PTPRU: variants seen among roughly 807,000 people sequenced by gnomAD.
PTPRU encodes the protein protein tyrosine phosphatase receptor type U, also known as receptor-type tyrosine-protein phosphatase U.
PTPRU carries 69 observed loss-of-function variants against 166.3 expected under a neutral mutation model. The ratio of observed to expected loss-of-function variants is 0.41; its 90% CI spans 0.34 to 0.51. PTPRU has a LOEUF of 0.51. PTPRU is among the 20% of genes least tolerant of loss of function. The probability of loss-of-function intolerance (pLI) is 0.09; values close to 1 mark genes in which losing one functional copy is unlikely to be tolerated. For synonymous variants in PTPRU, 793 were observed against 814.0 expected (o/e 0.97, Z 0.44); for missense variants, 1,657 against 2,013.7 (o/e 0.82, Z 3.39).
At chr1:29,322,553 C>T (rs896363614) in intron 26 of PTPRU, among the ~76,000 whole-genome samples, 6 of 152,028 alleles carry the variant, frequency 3.9e-5, no homozygotes, top group African/African-American at 7.3e-5. Flanking sequence ...GGGTTCTGAA[C>T]GCACAGGGTT....
chr1:29,289,970 AC>A, intron 14 of PTPRU, among the ~76,000 whole-genome samples: 1 of 151,758 alleles, frequency 6.6e-6, no homozygotes, highest in East Asian at 1.9e-4. Flanking sequence ...CTGCTGAGTC[AC>A]CCCCAGCAAG....
At chr1:29,268,046 A>T (rs1490554549) in intron 7 of PTPRU, among the ~76,000 whole-genome samples, 2 of 152,228 alleles carry the variant, frequency 1.3e-5, no homozygotes, top group Non-Finnish European at 2.9e-5. Context: ...CTAGAGCAGC[A>T]GGAATGATGG....
rs1687857844 is a variant in PTPRU, at chr1:29,315,449, A to T, written c.3305A>T (p.Asp1102Val). The T allele has an allele frequency of 2.5e-6, 4 of 1,614,228 alleles. No individual in the cohort carries two copies. The highest frequency in any genetic ancestry group is 3.4e-6 in the Non-Finnish European group (4 of 1,180,040). The change falls in exon 23 of 30, where the codon GAC becomes GTC. Residue 1102 changes from aspartate (D) to valine (V), a missense_variant. By Grantham distance (152) the Asp-to-Val change is radical. Around this residue, in one of 3 missense-constraint regions of PTPRU, gnomAD observed 1,190 missense variants for 1,477.4 expected, o/e 0.81. Transcript: ENST00000373779. This position sits in a 1 kb window ranked among gnomAD's most constrained non-coding sequence, Gnocchi z 4.5. ...ATGGCAGAGTGTGAGGGCGTCGTGG[A>T]CATTTACAACTGTGTGAAGACTCTC... ...LDMAECEGVV[D>V]IYNCVKTLCS... is the part of the protein sequence containing the mutation.
At chr1:29,255,458 T>G in intron 2 of PTPRU, 52 bp downstream of exon 2, 1 of 1,602,260 alleles carries the variant, frequency 6.2e-7, no homozygotes, top group South Asian at 1.1e-5. Flanking sequence ...CAGAGGCACT[T>G]CTACCCACCT....
chr1:29,311,071 G>C lies in PTPRU; in HGVS notation c.2857+291G>C, dbSNP rs1399958900. On this transcript the variant is annotated intron_variant, in intron 19 of 29. Coordinates refer to ENST00000373779, the MANE Select transcript of PTPRU (RefSeq NM_133178.4). This position sits in a 1 kb window ranked among gnomAD's most constrained non-coding sequence, Gnocchi z 4.1. ...TCTCCAAAGTGGTGTCTGTAAAAGG[G>C]CCAGCTGGGCTCAGGCCTCATGGGT... 1.3e-5 allele frequency among the ~76,000 whole-genome samples: 2 copies of C among 152,164 alleles called. No individual in the cohort carries two copies. Among genetic ancestry groups the C allele is most frequent in the East Asian group, 3.9e-4 (2 of 5,188 alleles).
chr1:29,274,572 T>G (rs1301088021), intron 7 of PTPRU, among the ~76,000 whole-genome samples: 1 of 152,198 alleles, frequency 6.6e-6, no homozygotes, highest in Admixed American at 6.5e-5. Flanking sequence ...TTTATTTAAC[T>G]ATTTGGCTCT....
At chr1:29,252,153 A>G (rs1684573872) in intron 1 of PTPRU, among the ~76,000 whole-genome samples, 1 of 151,910 alleles carries the variant, frequency 6.6e-6, no homozygotes, top group Non-Finnish European at 1.5e-5. Context: ...CTTCATCCCA[A>G]CTGCTTGGTG....
intron 26 of PTPRU, 38 bp from the exon 27 acceptor site, chr1:29,323,333 G>C: frequency 6.3e-7 from 1 of 1,594,080 alleles, no homozygotes; most frequent in East Asian, 2.3e-5. Context: ...CCCCGGCCAG[G>C]CTCTACTCAG....
intron 7 of PTPRU, among the ~76,000 whole-genome samples, chr1:29,265,003 T>C (rs1360473175): frequency 1.3e-5 from 2 of 152,254 alleles, no homozygotes; most frequent in Non-Finnish European, 2.9e-5. Flanking sequence ...AACATTCACC[T>C]GTTGAATGAC....
intron 1 of PTPRU, among the ~76,000 whole-genome samples, chr1:29,252,271 CTT>C (rs34153386): frequency 4.4e-5 from 6 of 135,740 alleles, no homozygotes; most frequent in Admixed American, 1.5e-4. Context: ...TTTTTTCTTT[CTT>C]TTTTTTTTTT....
rs75011501 is a variant in PTPRU at position 29,236,547 on chromosome 1, C to G, written c.-98C>G. On this transcript the variant is annotated 5_prime_UTR_variant, in exon 1 of 30. Transcript: ENST00000373779. This position sits in a 1 kb window ranked among gnomAD's most constrained non-coding sequence, Gnocchi z 4.6. ...AGTCCCGCTCCGCGCCGCGCCGCTC[C>G]GCTCCGGCTCGGGCTCCGGCTCGCC... The G allele has an allele frequency of 2.1e-6, 2 of 964,322 alleles. No individual in the cohort carries two copies. The highest frequency in any genetic ancestry group is 2.6e-6 in the Non-Finnish European group (2 of 773,380). The allele number at this position is 964,322 out of a possible 1,614,324, so 59.7% of individuals were successfully genotyped here.
At chr1:29,324,244 T>C (rs922421243) in intron 28 of PTPRU, among the ~76,000 whole-genome samples, 1 of 152,218 alleles carries the variant, frequency 6.6e-6, no homozygotes, top group African/African-American at 2.4e-5. Context: ...CAGTCACTCC[T>C]TTGCTCCCCA....
At chr1:29,287,099 C>T (rs1163471245) in intron 14 of PTPRU, among the ~76,000 whole-genome samples, 2 of 152,082 alleles carry the variant, frequency 1.3e-5, no homozygotes, top group African/African-American at 4.8e-5. Context: ...CTGAGGAGGG[C>T]AGTTACCACG....
In PTPRU at chr1:29,279,699, C is replaced by A. The variant is rs761699868; in HGVS notation, c.1765+42C>A. 2 of 1,588,636 alleles carry A rather than the reference C, an allele frequency of 1.3e-6. No individual in the cohort carries two copies. Among genetic ancestry groups the A allele is most frequent in the African/African-American group, 2.7e-5 (2 of 74,494 alleles). On this transcript the variant is annotated intron_variant, in intron 10 of 29. Transcript: ENST00000373779. The surrounding 1 kb of genome is among the most constrained non-coding windows in gnomAD (Gnocchi z 5.2). Reference sequence around the variant, plus strand: ...CCGGCCCAGCCTCTTCGGAGGTGGCCCAGAATCCCAGGGTTCCATGGGCAG... The same window carrying A: ...CCGGCCCAGCCTCTTCGGAGGTGGCACAGAATCCCAGGGTTCCATGGGCAG...
intron 7 of PTPRU, among the ~76,000 whole-genome samples, chr1:29,272,474 A>G (rs1260030630): frequency 1.3e-5 from 2 of 152,208 alleles, no homozygotes; most frequent in African/African-American, 2.4e-5. Context: ...TGGAAACAGA[A>G]TCTTGTATTG....
chr1:29,279,997 C>T lies in PTPRU; in HGVS notation c.1766-42C>T, dbSNP rs1685987645. 2.6e-6 allele frequency: 4 copies of T among 1,558,130 alleles called. No individual in the cohort carries two copies. The highest frequency in any genetic ancestry group is 3.5e-6 in the Non-Finnish European group (4 of 1,130,782). Reference sequence around the variant, plus strand: ...GGCTGGAAGCCTGGTCTTCCTGGTCCAGTGGCCAAGCTCCAGCTTGTGACC... The same window carrying T: ...GGCTGGAAGCCTGGTCTTCCTGGTCTAGTGGCCAAGCTCCAGCTTGTGACC... On this transcript the variant is annotated intron_variant, in intron 10 of 29. Coordinates refer to ENST00000373779, the MANE Select transcript of PTPRU (RefSeq NM_133178.4). This position sits in a 1 kb window ranked among gnomAD's most constrained non-coding sequence, Gnocchi z 5.2.
rs879437211 is a variant in PTPRU, at chr1:29,317,229, C to T, written c.3514-519C>T. ...GGAGATCCAGGTGTGATTCAGTGCC[C>T]GGTGCTTAGGACTTCATTCTGTTCA... On this transcript the variant is annotated intron_variant, in intron 24 of 29. Transcript: ENST00000373779. The surrounding 1 kb of genome is among the most constrained non-coding windows in gnomAD (Gnocchi z 5.6). Among the ~76,000 whole-genome samples the T allele has an allele frequency of 3.9e-5, 6 of 152,080 alleles. No individual in the cohort carries two copies. The highest frequency in any genetic ancestry group is 1.9e-4 in the East Asian group (1 of 5,192).
chr1:29,326,280 C>G lies in PTPRU; in HGVS notation c.*619C>G. ...ATATTTTGCTCACTATCCCTCCCCA[C>G]TTGCTTCCCTGATATGTGCTCTGAG... is the stretch of plus-strand genomic sequence containing the variant. On this transcript the variant is annotated 3_prime_UTR_variant, in exon 30 of 30. Coordinates refer to ENST00000373779, the MANE Select transcript of PTPRU (RefSeq NM_133178.4). 5.7e-6 allele frequency: 1 copy of G among 174,400 alleles called. No homozygotes were observed. The allele number at this position is 174,400 out of a possible 1,614,324, so 10.8% of individuals were successfully genotyped here.
intron 13 of PTPRU, 138 bp downstream of exon 13, chr1:29,284,114 C>T: frequency 1.9e-6 from 2 of 1,066,300 alleles, no homozygotes; most frequent in Non-Finnish European, 2.8e-6. Context: ...GAGGGGCTTC[C>T]TGCTGGGTTT....
Sources: gnomAD v4.1 joint callset for allele counts (sites outside exome capture counted in the v4.1 genomes callset) on GRCh38, gnomAD v4.1.1 for gene constraint, gnomAD v4.1.1 regional missense constraint, Gnocchi (gnomAD v3.1) non-coding constraint, MANE v1.5 for transcripts, NCBI Gene and HGNC (gene_info 2026-07-23, HGNC 2026-07-21) for gene names.